BMS1: variants seen among roughly 807,000 people sequenced by gnomAD.
The protein encoded by BMS1 is BMS1 ribosome biogenesis factor.
Under a neutral mutation model 138.7 loss-of-function variants are expected in BMS1, and 53 were observed. The observed-to-expected ratio is 0.38, with a 90% confidence interval of 0.31 to 0.48. BMS1 has a LOEUF of 0.48. Among genes scored for constraint, BMS1 ranks in the 20% least tolerant of loss-of-function variants. BMS1 has a pLI of 0.97. For missense variants in BMS1, 1,360 were observed against 1,565.5 expected (o/e 0.87, Z 2.22); for synonymous variants, 504 against 539.9 (o/e 0.93, Z 0.92).
rs1588755140 is a variant in BMS1, at chr10:42,822,247, A to G, written c.3132+63A>G. On this transcript the variant is annotated intron_variant, in intron 19 of 22. Coordinates refer to ENST00000374518, the MANE Select transcript of BMS1 (RefSeq NM_014753.4). ...CATATTGTTTGAGAAAAGGAATGAAATACCTTTAAAATATGGGCCTCATAT... is the reference window on the plus strand; with the variant it reads ...CATATTGTTTGAGAAAAGGAATGAAGTACCTTTAAAATATGGGCCTCATAT... 6.4e-6 allele frequency: 7 copies of G among 1,089,774 alleles called. No homozygotes were observed. The South Asian group carries it at 1.1e-4, about 18-fold the overall frequency. The allele number at this position is 1,089,774 out of a possible 1,614,324, so 67.5% of individuals were successfully genotyped here. A position where few individuals can be genotyped will look rare whatever the true frequency, so the allele number is the denominator to read the frequency against.
In BMS1 at chr10:42,830,855, GT is replaced by G. The variant is rs1370902213; in HGVS notation, c.3619-10del. 1.9e-6 allele frequency: 3 copies of G among 1,602,834 alleles called. No homozygotes were observed. The highest frequency in any genetic ancestry group is 1.7e-5 in the Admixed American group (1 of 58,574). On this transcript the variant is annotated splice_polypyrimidine_tract_variant and intron_variant, in intron 22 of 22. Transcript: ENST00000374518. ...AGCATTCTGATACTCACCGGCTTTT[GT>G]CCTTGTCAGATCCTTGCACTGCTGG...
intron 8 of BMS1, among the ~76,000 whole-genome samples, 157 bp downstream of exon 8, chr10:42,793,301 TA>T (rs2132309181): frequency 6.6e-6 from 1 of 152,166 alleles, no homozygotes; most frequent in Non-Finnish European, 1.5e-5. Context: ...ATATATAGGA[TA>T]AAAATAATAC....
intron 12 of BMS1, among the ~76,000 whole-genome samples, chr10:42,801,674 G>A (rs1281695083): frequency 6.6e-6 from 1 of 152,140 alleles, no homozygotes; most frequent in Admixed American, 6.5e-5. Flanking sequence ...TCAAAAATTG[G>A]ATTACTTAGT....
chr10:42,822,673 T>C (rs1842535014), intron 19 of BMS1, among the ~76,000 whole-genome samples: 1 of 152,234 alleles, frequency 6.6e-6, no homozygotes, highest in Non-Finnish European at 1.5e-5. Flanking sequence ...TGGGGATGTT[T>C]CTATTGAAAA....
intron 19 of BMS1, among the ~76,000 whole-genome samples, chr10:42,822,417 C>G (rs1248857398): frequency 6.6e-6 from 1 of 152,170 alleles, no homozygotes; most frequent in African/African-American, 2.4e-5. Context: ...CCATGTGAGA[C>G]TGCCACATAT....
intron 19 of BMS1, 23 bp downstream of exon 19, chr10:42,822,207 A>G (rs761581062): frequency 8.3e-7 from 1 of 1,199,278 alleles, no homozygotes; most frequent in African/African-American, 1.5e-5. Flanking sequence ...ATATATTCTC[A>G]TATTTATAAA....
Position 42,796,516 on chromosome 10 carries a change from T to G in BMS1, c.1272T>G (p.Thr424=). 16 of 1,614,174 alleles carry G rather than the reference T, an allele frequency of 9.9e-6. No homozygotes were observed. Among genetic ancestry groups the G allele is most frequent in the Non-Finnish European group, 1.4e-5 (16 of 1,180,016 alleles). The change falls in exon 10 of 23, where the codon ACT becomes ACG. Residue 424 remains threonine (T), a synonymous_variant. Transcript: ENST00000374518. ...PKEEKQMDLN[T]GRMRRKAIFG... is the part of the protein sequence containing the mutation. ...AGGAAAAACAAATGGACTTGAACAC[T>G]GGTCGAATGCGTCGGAAAGCCATTT...
rs188958805 is a variant in BMS1 at position 42,819,861 on chromosome 10, G to A, written c.2581-375G>A. On this transcript the variant is annotated intron_variant, in intron 15 of 22. Coordinates refer to ENST00000374518, the MANE Select transcript of BMS1 (RefSeq NM_014753.4). The stretch of plus-strand genomic sequence containing the variant: ...GGCTGGAGTGCAGTGGCACGATCTC[G>A]ACTCACTGCAACCTCCGTCTCCCGG... 9.1e-4 allele frequency among the ~76,000 whole-genome samples: 138 copies of A among 152,116 alleles called. 1 individual carries two copies. Among genetic ancestry groups the A allele is most frequent in the African/African-American group, 3.2e-3 (131 of 41,510 alleles).
Position 42,798,452 on chromosome 10 carries a change from A to G in BMS1, c.2090-16A>G, listed in dbSNP as rs750264913. On this transcript the variant is annotated splice_polypyrimidine_tract_variant and intron_variant, in intron 11 of 22. Coordinates refer to ENST00000374518, the MANE Select transcript of BMS1 (RefSeq NM_014753.4). ...TAATTTTTGTTCTCACTTTTCTGCC[A>G]TGGTGTGCTCTTTAGTGACAGAAGA... is the stretch of plus-strand genomic sequence containing the variant. 9.9e-6 allele frequency: 16 copies of G among 1,613,996 alleles called. No homozygotes were observed. The highest frequency in any genetic ancestry group is 8.8e-5 in the South Asian group (8 of 91,090).
intron 13 of BMS1, among the ~76,000 whole-genome samples, chr10:42,815,661 C>A (rs1842328761): frequency 6.6e-6 from 1 of 152,164 alleles, no homozygotes; most frequent in South Asian, 2.1e-4. Flanking sequence ...TCCCGGGCCC[C>A]CAAAGTGCTG....
intron 13 of BMS1, among the ~76,000 whole-genome samples, chr10:42,811,520 C>CTTTCTTT (rs1842177366): frequency 1.6e-5 from 2 of 121,568 alleles, no homozygotes; most frequent in Non-Finnish European, 1.6e-5. Context: ...GTTGTATTTT[C>CTTTCTTT]TTTTTCTTTT....
chr10:42,790,553 T>G (rs1453317416), intron 5 of BMS1, 42 bp downstream of exon 5: 6 of 1,598,346 alleles, frequency 3.8e-6, no homozygotes, highest in Non-Finnish European at 5.1e-6. Flanking sequence ...AGTATAATCC[T>G]TTTAAAATAG....
chr10:42,829,056 A>G (rs909031698), intron 21 of BMS1, among the ~76,000 whole-genome samples: 7 of 152,208 alleles, frequency 4.6e-5, no homozygotes, highest in African/African-American at 7.2e-5. Flanking sequence ...TGTTCTATAT[A>G]GTTGACTTTA....
At chr10:42,826,059 A>G (rs987778175) in intron 21 of BMS1, among the ~76,000 whole-genome samples, 2 of 152,232 alleles carry the variant, frequency 1.3e-5, no homozygotes, top group African/African-American at 2.4e-5. Flanking sequence ...TTAATGTGAT[A>G]TATCACATTG....
At chr10:42,809,747 A>T (rs1010836962) in intron 13 of BMS1, among the ~76,000 whole-genome samples, 2 of 151,980 alleles carry the variant, frequency 1.3e-5, no homozygotes, top group African/African-American at 2.4e-5. Flanking sequence ...GATCATCTGG[A>T]TATGGGTTTC....
intron 4 of BMS1, among the ~76,000 whole-genome samples, chr10:42,787,467 A>G (rs539401522): frequency 6.6e-5 from 10 of 152,348 alleles, no homozygotes; most frequent in South Asian, 6.2e-4. Flanking sequence ...GTGTTCCAAA[A>G]TCTAAAAGCA....
intron 14 of BMS1, 152 bp downstream of exon 14, chr10:42,816,824 A>G: frequency 3.3e-6 from 2 of 612,230 alleles, no homozygotes; most frequent in Non-Finnish European, 5.2e-6. Context: ...ACCAAAGAGA[A>G]GCTTTCTTGT....
chr10:42,790,444 A>G lies in BMS1; in HGVS notation c.569A>G (p.Lys190Arg), dbSNP rs760386425. The G allele has an allele frequency of 3.7e-6, 6 of 1,613,994 alleles. No individual in the cohort carries two copies. The South Asian group carries it at 6.6e-5, about 18-fold the overall frequency. The change falls in exon 5 of 23, where the codon AAG becomes AGG. Residue 190 changes from lysine to arginine, a missense_variant. By Grantham distance (26) the Lys-to-Arg change is conservative. Coordinates refer to ENST00000374518, the MANE Select transcript of BMS1 (RefSeq NM_014753.4). ...GTTCTCACCCACCTCGACTCCTTCAAGCATAATAAGCAACTGAAGAAGACA... is the reference window on the plus strand; with the variant it reads ...GTTCTCACCCACCTCGACTCCTTCAGGCATAATAAGCAACTGAAGAAGACA... The part of the protein sequence containing the change: ...MGVLTHLDSF[K>R]HNKQLKKTKK...
At position 42,834,132 on chromosome 10, in the gene BMS1, GA is replaced by G. The variant is rs1281450938; in HGVS notation, c.*3040del. 1 of 152,072 alleles carries G rather than the reference GA, an allele frequency of 6.6e-6. No homozygotes were observed. Among genetic ancestry groups the G allele is most frequent in the East Asian group, 1.9e-4 (1 of 5,198 alleles). 9.4% of individuals were successfully genotyped at this position (152,072 alleles called of 1,614,324 possible). A position where few individuals can be genotyped will look rare whatever the true frequency, so the allele number is the denominator to read the frequency against. On this transcript the variant is annotated 3_prime_UTR_variant, in exon 23 of 23. Coordinates refer to ENST00000374518, the MANE Select transcript of BMS1 (RefSeq NM_014753.4). Reference sequence around the variant, plus strand: ...CAGCCATAGGTGCTAGGTATGTTTTGAAAACATATTGAACCTACAGTGTACA... The same window carrying G: ...CAGCCATAGGTGCTAGGTATGTTTTGAAACATATTGAACCTACAGTGTACA...
Sources: gnomAD v4.1 joint callset for allele counts (sites outside exome capture counted in the v4.1 genomes callset) on GRCh38, gnomAD v4.1.1 for gene constraint, MANE v1.5 for transcripts, NCBI Gene and HGNC (gene_info 2026-07-23, HGNC 2026-07-21) for gene names.